ZFHX3: variants seen among roughly 807,000 people sequenced by gnomAD.
ZFHX3 encodes zinc finger homeobox 3, also known as zinc finger homeobox protein 3.
A neutral mutation model predicts 279.1 loss-of-function variants in ZFHX3; 42 were observed. The observed-to-expected ratio is 0.15, with a 90% CI of 0.12 to 0.19. ZFHX3 has a LOEUF of 0.19. Ranked by LOEUF, ZFHX3 falls within the 10% of genes least tolerant of loss-of-function variation. The probability of loss-of-function intolerance (pLI) is 1.00; values close to 1 mark genes in which losing one functional copy is unlikely to be tolerated. For synonymous variants in ZFHX3, 2,293 were observed against 1,957.8 expected, an observed-to-expected ratio of 1.17 and a Z score of -4.52; for missense variants, 4,981 against 4,754.0, an observed-to-expected ratio of 1.05 and a Z score of -1.40.
intron 1 of ZFHX3, among the ~76,000 whole-genome samples, chr16:73,854,915 C>T (rs1961684837): frequency 6.6e-6 from 1 of 151,692 alleles, no homozygotes; most frequent in South Asian, 2.1e-4. Flanking sequence ...TGTACCTGAA[C>T]ACAAACTCAA....
At chr16:72,866,610 TG>T (rs1243063759) in intron 4 of ZFHX3, among the ~76,000 whole-genome samples, 1 of 152,186 alleles carries the variant, frequency 6.6e-6, no homozygotes, top group African/African-American at 2.4e-5. Flanking sequence ...CAACCAGATC[TG>T]ATCTGAAAGC....
At chr16:73,546,828 G>T (rs551986672) in intron 2 of ZFHX3, among the ~76,000 whole-genome samples, 1 of 151,924 alleles carries the variant, frequency 6.6e-6, no homozygotes, top group South Asian at 2.1e-4. Context: ...TGGGGGGTGA[G>T]GGGGGAGGGA....
intron 2 of ZFHX3, among the ~76,000 whole-genome samples, chr16:73,606,681 G>A (rs890296033): frequency 6.6e-6 from 1 of 152,112 alleles, no homozygotes; most frequent in Non-Finnish European, 1.5e-5. Flanking sequence ...CCACCACCTA[G>A]GTATTACGCC....
At chr16:73,249,644 G>A (rs974045673) in intron 5 of ZFHX3, among the ~76,000 whole-genome samples, 16 of 152,148 alleles carry the variant, frequency 1.1e-4, no homozygotes, top group African/African-American at 3.9e-4. Context: ...AGATTTGGGT[G>A]GGGATACAGC....
At chr16:73,550,078 T>A (rs993897606) in intron 2 of ZFHX3, among the ~76,000 whole-genome samples, 1 of 152,080 alleles carries the variant, frequency 6.6e-6, no homozygotes, top group Non-Finnish European at 1.5e-5. Context: ...AAGGTGATTG[T>A]TTCACTTGTT....
chr16:73,652,696 T>C (rs2052683218), intron 2 of ZFHX3, among the ~76,000 whole-genome samples: 1 of 152,160 alleles, frequency 6.6e-6, no homozygotes, highest in African/African-American at 2.4e-5. Flanking sequence ...GGAGAAAGTG[T>C]CTGGAGAAAC....
intron 2 of ZFHX3, among the ~76,000 whole-genome samples, chr16:73,542,350 T>C (rs1030861802): frequency 6.6e-6 from 1 of 152,148 alleles, no homozygotes; most frequent in African/African-American, 2.4e-5. Context: ...GACCTGAGCA[T>C]TTCTAAACAT....
At chr16:73,290,999 T>A (rs1016696897) in intron 4 of ZFHX3, among the ~76,000 whole-genome samples, 2 of 152,106 alleles carry the variant, frequency 1.3e-5, no homozygotes, top group African/African-American at 4.8e-5. Flanking sequence ...CTGCAGCAGA[T>A]CAGGAGGGCT....
chr16:73,324,150 G>A (rs1343526203), intron 3 of ZFHX3, among the ~76,000 whole-genome samples: 1 of 152,194 alleles, frequency 6.6e-6, no homozygotes, highest in East Asian at 1.9e-4. Context: ...CACATGGAGA[G>A]GAATGGACTC....
intron 5 of ZFHX3, among the ~76,000 whole-genome samples, chr16:73,236,384 G>T (rs1007064144): frequency 1.1e-4 from 17 of 152,208 alleles, no homozygotes; most frequent in African/African-American, 3.6e-4. Context: ...GATCGCTTGA[G>T]ATCAGGAGTT....
At chr16:72,917,331 C>T (rs539073122) in intron 3 of ZFHX3, among the ~76,000 whole-genome samples, 4 of 152,034 alleles carry the variant, frequency 2.6e-5, no homozygotes, top group South Asian at 2.1e-4. Context: ...TCAAAACATA[C>T]CATAAACAGC....
chr16:72,891,933 T>A (rs920548150), intron 3 of ZFHX3, among the ~76,000 whole-genome samples: 7 of 152,198 alleles, frequency 4.6e-5, no homozygotes, highest in Non-Finnish European at 7.3e-5. Flanking sequence ...TGGTTTCTAG[T>A]CCTGCTTGGA....
At chr16:73,415,975 C>G (rs1234659851) in intron 3 of ZFHX3, among the ~76,000 whole-genome samples, 2 of 151,900 alleles carry the variant, frequency 1.3e-5, no homozygotes, top group Non-Finnish European at 2.9e-5. Flanking sequence ...CAAAAATTAG[C>G]TGAGTGAGGT....
intron 7 of ZFHX3, chr16:72,809,884 T>C (rs2036388084): frequency 6.6e-6 from 1 of 151,364 alleles, no homozygotes; most frequent in Admixed American, 6.6e-5. Flanking sequence ...GAAAGGGCTT[T>C]TTTTTTTTTT....
At chr16:73,118,892 C>T (rs577752752) in intron 7 of ZFHX3, among the ~76,000 whole-genome samples, 9 of 152,230 alleles carry the variant, frequency 5.9e-5, no homozygotes, top group African/African-American at 2.2e-4. Flanking sequence ...CCAGATTTTC[C>T]TTCAGGTAAT....
intron 3 of ZFHX3, among the ~76,000 whole-genome samples, chr16:72,948,507 C>T (rs902765219): frequency 2.0e-5 from 3 of 152,172 alleles, no homozygotes; most frequent in Non-Finnish European, 4.4e-5. Flanking sequence ...TCCGTGGACA[C>T]AGTTTGGGGA....
chr16:73,843,063 T>G (rs1961353397), intron 1 of ZFHX3, among the ~76,000 whole-genome samples: 1 of 152,248 alleles, frequency 6.6e-6, no homozygotes, highest in Admixed American at 6.5e-5. Flanking sequence ...TTATTTGGAT[T>G]TCTTTCTTTG....
chr16:73,724,615 T>C (rs1241581167), intron 1 of ZFHX3, among the ~76,000 whole-genome samples: 1 of 152,200 alleles, frequency 6.6e-6, no homozygotes, highest in African/African-American at 2.4e-5. Flanking sequence ...GTTGTCAGGA[T>C]AGAATTTTAG....
rs1207414622 is a variant in ZFHX3, at chr16:72,879,575, G to A, written c.3448+10156C>T. On this transcript the variant is annotated intron_variant, in intron 4 of 9. Coordinates refer to ENST00000268489, the MANE Select transcript of ZFHX3 (RefSeq NM_006885.4). ...CGAGAAGCTGGGATCACAGGCACCC[G>A]CCACCATACCTGCCTAATTTTTATA... 3.3e-5 allele frequency among the ~76,000 whole-genome samples: 5 copies of A among 152,186 alleles called. No homozygotes were observed. In the East Asian group the frequency reaches 5.8e-4, roughly 18 times the overall value.
Sources: gnomAD v4.1 joint callset for allele counts (sites outside exome capture counted in the v4.1 genomes callset) on GRCh38, gnomAD v4.1.1 for gene constraint, MANE v1.5 for transcripts, NCBI Gene and HGNC (gene_info 2026-07-23, HGNC 2026-07-21) for gene names.